RBM26: variants seen among roughly 807,000 people sequenced by gnomAD.
The protein encoded by RBM26 is RNA-binding protein 26.
In RBM26, 30 loss-of-function variants were observed where a neutral mutation model predicts 123.6. The ratio of observed to expected loss-of-function variants is 0.24; its 90% confidence interval spans 0.18 to 0.33. The LOEUF is 0.33. RBM26 is among the 10% of genes least tolerant of loss of function. RBM26 has a pLI of 1.00. For synonymous variants in RBM26, 400 were observed against 404.4 expected (o/e 0.99, Z 0.13); for missense variants, 947 against 1,203.6 (o/e 0.79, Z 3.15).
intron 1 of RBM26, among the ~76,000 whole-genome samples, chr13:79,379,371 CAA>C (rs1160901778): frequency 0.011 from 874 of 79,390 alleles, 13 homozygotes; most frequent in African/African-American, 0.035. Flanking sequence ...CAGTCTCTAC[CAA>C]AAAAAAAAAA....
chr13:79,380,747 G>T (rs1049334451), intron 1 of RBM26, among the ~76,000 whole-genome samples: 3 of 152,020 alleles, frequency 2.0e-5, no homozygotes, highest in Admixed American at 1.3e-4. Flanking sequence ...GCGTAATTTT[G>T]TATCTGTTAA....
At chr13:79,392,105 C>CAAT (rs1303530674) in intron 1 of RBM26, among the ~76,000 whole-genome samples, 3 of 126,466 alleles carry the variant, frequency 2.4e-5, no homozygotes, top group Non-Finnish European at 5.0e-5. Flanking sequence ...ATGTATTATA[C>CAAT]AATACATAAT....
intron 19 of RBM26, among the ~76,000 whole-genome samples, chr13:79,335,714 A>G (rs776827725): frequency 2.0e-5 from 3 of 152,172 alleles, no homozygotes; most frequent in African/African-American, 4.8e-5. Context: ...GGCTCTGAAT[A>G]CTTCTCAGCC....
At chr13:79,340,996 A>C in intron 18 of RBM26, 127 bp downstream of exon 18, 1 of 534,708 alleles carries the variant, frequency 1.9e-6, no homozygotes, top group Non-Finnish European at 3.2e-6. Flanking sequence ...TTAACATCTC[A>C]ATATGTATGC....
At chr13:79,380,835 A>G (rs539674190) in intron 1 of RBM26, among the ~76,000 whole-genome samples, 3 of 152,022 alleles carry the variant, frequency 2.0e-5, no homozygotes, top group African/African-American at 4.8e-5. Context: ...TATGAGACCA[A>G]CTTATTTAGC....
chr13:79,386,433 A>C (rs1395257091), intron 1 of RBM26, among the ~76,000 whole-genome samples: 1 of 151,542 alleles, frequency 6.6e-6, no homozygotes, highest in African/African-American at 2.4e-5. Flanking sequence ...AAAAAAAAGA[A>C]GTGCCCATTA....
At chr13:79,381,307 G>A (rs1193311995) in intron 1 of RBM26, among the ~76,000 whole-genome samples, 1 of 152,052 alleles carries the variant, frequency 6.6e-6, no homozygotes, top group Middle Eastern at 3.4e-3. Flanking sequence ...CCAGAAACCT[G>A]ACTTCCAATT....
At chr13:79,365,847 G>C in intron 8 of RBM26, 129 bp from the exon 9 acceptor site, 1 of 946,714 alleles carries the variant, frequency 1.1e-6, no homozygotes, top group Non-Finnish European at 1.5e-6. Context: ...GTATCAAAAA[G>C]AAAATAACTT....
rs187607189 is a variant in RBM26 at position 79,351,714 on chromosome 13, A to C, written c.2058+1439T>G. On this transcript the variant is annotated intron_variant, in intron 14 of 21. Coordinates refer to ENST00000438737, the MANE Select transcript of RBM26 (RefSeq NM_001366735.2). ...GCAGAAAAGTACTCCCTTGGGTAAA[A>C]AGACTAGAGCAGAAGTAATAGAACC... 9.2e-5 allele frequency among the ~76,000 whole-genome samples: 14 copies of C among 152,320 alleles called. 1 individual carries two copies. The East Asian group carries it at 2.7e-3, about 29-fold the overall frequency.
intron 17 of RBM26, 87 bp downstream of exon 17, chr13:79,342,577 T>G: frequency 9.3e-7 from 1 of 1,073,864 alleles, no homozygotes; most frequent in South Asian, 1.4e-5. Context: ...ACAGAAGATA[T>G]TACCTACAAG....
At chr13:79,371,790 A>T in intron 4 of RBM26, 52 bp downstream of exon 4, 2 of 1,264,932 alleles carry the variant, frequency 1.6e-6, no homozygotes, top group South Asian at 2.4e-5. Flanking sequence ...AAACATTTGT[A>T]TAAAAGATAA....
intron 5 of RBM26, among the ~76,000 whole-genome samples, chr13:79,369,675 C>T (rs543967976): frequency 8.5e-5 from 13 of 152,190 alleles, no homozygotes; most frequent in African/African-American, 2.9e-4. Flanking sequence ...AGGTGTTTTA[C>T]GACAACATCT....
intron 1 of RBM26, among the ~76,000 whole-genome samples, chr13:79,380,510 C>A (rs1185389950): frequency 6.7e-6 from 1 of 149,444 alleles, no homozygotes; most frequent in African/African-American, 2.5e-5. Context: ...AAAAAAAAAC[C>A]ACATAATAAT....
downstream of RBM26, chr13:79,314,983 A>C (rs555452420): frequency 1.0e-4 from 135 of 1,301,508 alleles, 1 homozygote; most frequent in South Asian, 7.3e-4. Context: ...GGCAATGATG[A>C]TCTCTCTCTG....
intron 7 of RBM26, 110 bp downstream of exon 7, chr13:79,366,523 C>T (rs1594372784): frequency 1.8e-6 from 2 of 1,138,160 alleles, no homozygotes; most frequent in Non-Finnish European, 2.5e-6. Context: ...TAATTTCTAT[C>T]AGGCATTTTT....
chr13:79,332,140 G>T (rs2069532210), intron 20 of RBM26, among the ~76,000 whole-genome samples: 1 of 152,022 alleles, frequency 6.6e-6, no homozygotes, highest in African/African-American at 2.4e-5. Context: ...TAGGATAATG[G>T]TCCAGAAAAC....
intron 1 of RBM26, among the ~76,000 whole-genome samples, chr13:79,383,774 T>C (rs959247834): frequency 6.6e-6 from 1 of 151,330 alleles, no homozygotes; most frequent in African/African-American, 2.4e-5. Flanking sequence ...AAAGATAAAG[T>C]GTAAAGGAGG....
chr13:79,315,026 T>G (rs1321138125), downstream of RBM26: 2 of 1,242,822 alleles, frequency 1.6e-6, 1 homozygote, highest in South Asian at 2.6e-5. Flanking sequence ...AAAAAAACTT[T>G]GAAAATAGCA....
intron 1 of RBM26, among the ~76,000 whole-genome samples, chr13:79,393,143 T>A (rs538748468): frequency 2.0e-5 from 3 of 152,108 alleles, no homozygotes; most frequent in Non-Finnish European, 4.4e-5. Flanking sequence ...AAAGTCTGAG[T>A]GTAGAGCACA....
Sources: allele counts gnomAD v4.1 joint callset (sites outside exome capture counted in the v4.1 genomes callset), GRCh38; gene constraint gnomAD v4.1.1; transcripts MANE v1.5; gene names NCBI Gene and HGNC (gene_info 2026-07-23, HGNC 2026-07-21).